RMDN2: variants seen among roughly 807,000 people sequenced by gnomAD.
The protein encoded by RMDN2 is regulator of microtubule dynamics protein 2.
Under a neutral mutation model 52.8 loss-of-function variants are expected in RMDN2, and 61 were observed. The ratio of observed to expected loss-of-function variants is 1.16; its 90% CI spans 0.94 to 1.43. The LOEUF is 1.43. RMDN2 is among the 40% of genes most tolerant of loss of function. The pLI is 0.00. For missense variants in RMDN2, 592 were observed against 475.3 expected (o/e 1.25, Z -2.28); for synonymous variants, 180 against 153.1 (o/e 1.18, Z -1.30).
chr2:37,974,892 G>C (rs1410313153), intron 3 of RMDN2: 1 of 251,798 alleles, frequency 4.0e-6, no homozygotes, highest in East Asian at 1.2e-4. Flanking sequence ...GAAAGGAAAA[G>C]AAGAAAAGGA....
chr2:37,975,283 C>A lies in RMDN2; in HGVS notation c.699C>A (p.Asn233Lys). 3.1e-6 allele frequency: 5 copies of A among 1,605,664 alleles called. No individual in the cohort carries two copies. The highest frequency in any genetic ancestry group is 4.3e-6 in the Non-Finnish European group (5 of 1,172,650). ...AYGDMYELSTNTQEKKHYANI... is the reference protein window; with the variant it reads ...AYGDMYELSTKTQEKKHYANI... Reference sequence around the variant, plus strand: ...GAGACATGTATGAACTATCTACAAACACACAAGAAAAGAAACATTATGCTA... The same window carrying A: ...GAGACATGTATGAACTATCTACAAAAACACAAGAAAAGAAACATTATGCTA... Residue 233 changes from asparagine to lysine, a missense_variant, in exon 4 of 11, where the codon AAC becomes AAA. Asn to Lys is a moderately conservative substitution (Grantham distance 94). Coordinates refer to ENST00000354545, the MANE Select transcript of RMDN2 (RefSeq NM_001170791.3).
At position 38,004,005 on chromosome 2, in the gene RMDN2, C is replaced by A; in HGVS notation, c.1059C>A (p.Cys353Ter). 1.2e-6 allele frequency: 2 copies of A among 1,612,520 alleles called. No individual in the cohort carries two copies. Among genetic ancestry groups the A allele is most frequent in the Non-Finnish European group, 8.5e-7 (1 of 1,178,788 alleles). Reference sequence around the variant, plus strand: ...TCTCAAATCAGGCTGAAGAACTATGCCCTGGTTATTCTAATCCCAATTACA... The same window carrying A: ...TCTCAAATCAGGCTGAAGAACTATGACCTGGTTATTCTAATCCCAATTACA... ...LHNFLKAEEL[C>*]PGYSNPNYMY... Residue 353 changes from cysteine (C) to a stop codon, truncating the protein, a stop_gained, in exon 9 of 11, where the codon TGC (cysteine) becomes TGA (stop). Transcript: ENST00000354545. LOFTEE classifies it high-confidence loss of function.
chr2:37,974,212 A>G lies in RMDN2; in HGVS notation c.625A>G (p.Lys209Glu). 2 of 1,609,174 alleles carry G rather than the reference A, an allele frequency of 1.2e-6. No homozygotes were observed. The highest frequency in any genetic ancestry group is 1.1e-5 in the South Asian group (1 of 90,270). The part of the protein sequence containing the change: ...SFELLRDHKE[K>E]FRDEIEFMWR... The stretch of plus-strand genomic sequence containing the variant: ...TGAACTACTTCGTGACCACAAAGAA[A>G]AGGTAAGAGACATAACAATAGCACT... The change falls in exon 3 of 11, where the codon AAG becomes GAG. Residue 209 changes from lysine to glutamate, a missense_variant and splice_region_variant. By Grantham distance (56) the Lys-to-Glu change is moderately conservative (BLOSUM62 1). Transcript: ENST00000354545.
chr2:37,970,076 G>C (rs957386462), intron 2 of RMDN2, among the ~76,000 whole-genome samples: 9 of 152,096 alleles, frequency 5.9e-5, no homozygotes, highest in African/African-American at 2.2e-4. Context: ...GGGACTACAG[G>C]TGTGGGCCAC....
chr2:38,014,462 C>G (rs1347866118), intron 10 of RMDN2, among the ~76,000 whole-genome samples: 1 of 152,072 alleles, frequency 6.6e-6, no homozygotes, highest in Non-Finnish European at 1.5e-5. Flanking sequence ...TCTTAGAACC[C>G]TTTTATTTAT....
chr2:37,964,707 G>T (rs1670799499), intron 2 of RMDN2, among the ~76,000 whole-genome samples: 1 of 152,084 alleles, frequency 6.6e-6, no homozygotes, highest in Non-Finnish European at 1.5e-5. Flanking sequence ...AGGTTTATAG[G>T]TCTATAGTGA....
At chr2:37,990,176 A>G (rs982378069) in intron 6 of RMDN2, among the ~76,000 whole-genome samples, 1 of 150,568 alleles carries the variant, frequency 6.6e-6, no homozygotes, top group African/African-American at 2.4e-5. Flanking sequence ...TTATTAGTCC[A>G]GATTCTGAAA....
chr2:37,962,636 G>C (rs758004252), intron 2 of RMDN2, among the ~76,000 whole-genome samples: 1 of 152,160 alleles, frequency 6.6e-6, no homozygotes, highest in African/African-American at 2.4e-5. Context: ...CTCCATGGGG[G>C]TGGGATCCCC....
At chr2:38,019,234 C>T (rs1679155424), downstream of RMDN2, among the ~76,000 whole-genome samples, 1 of 152,202 alleles carries the variant, frequency 6.6e-6, no homozygotes, top group Admixed American at 6.5e-5. Context: ...GGGAGCAACT[C>T]ATTCCGGCAG....
chr2:37,973,968 C>A lies in RMDN2; in HGVS notation c.453-72C>A, dbSNP rs546309665. 1.7e-5 allele frequency: 21 copies of A among 1,231,088 alleles called. No individual in the cohort carries two copies. The African/African-American group carries it at 2.9e-4, about 17-fold the overall frequency. The allele number at this position is 1,231,088 out of a possible 1,614,324, so 76.3% of individuals were successfully genotyped here. ...CATAAGAGGGGCATGATTTGACTTG[C>A]ATTTTAAAAGGAATGCTCTGGCTAT... On this transcript the variant is annotated intron_variant, in intron 2 of 10. Coordinates refer to ENST00000354545, the MANE Select transcript of RMDN2 (RefSeq NM_001170791.3).
intron 10 of RMDN2, 82 bp from the exon 11 acceptor site, chr2:38,017,104 G>C: frequency 2.5e-6 from 2 of 784,596 alleles, no homozygotes; most frequent in Non-Finnish European, 3.8e-6. Flanking sequence ...ATCTCCTCAA[G>C]TCAGTGTAAG....
intron 10 of RMDN2, among the ~76,000 whole-genome samples, chr2:38,029,018 C>T (rs1020585346): frequency 5.3e-5 from 8 of 152,040 alleles, no homozygotes; most frequent in East Asian, 3.9e-4. Context: ...GGAGACTGGG[C>T]GGGCACATAT....
chr2:37,996,836 G>C (rs1215284076), intron 7 of RMDN2, among the ~76,000 whole-genome samples: 2 of 152,092 alleles, frequency 1.3e-5, no homozygotes, highest in Non-Finnish European at 2.9e-5. Flanking sequence ...TTTAGTTTTG[G>C]TGGTTACTGA....
chr2:38,015,513 G>A (rs1169397504), intron 10 of RMDN2, among the ~76,000 whole-genome samples: 2 of 151,310 alleles, frequency 1.3e-5, no homozygotes, highest in Non-Finnish European at 2.9e-5. Context: ...TGCAGTAGGC[G>A]GAGATTGCGC....
intron 10 of RMDN2, among the ~76,000 whole-genome samples, chr2:38,062,246 C>T (rs1682083222): frequency 6.6e-6 from 1 of 152,216 alleles, no homozygotes; most frequent in South Asian, 2.1e-4. Flanking sequence ...CCCTTTAACC[C>T]TCGACAACCA....
At chr2:38,046,501 C>G (rs971442703) in intron 10 of RMDN2, among the ~76,000 whole-genome samples, 2 of 151,914 alleles carry the variant, frequency 1.3e-5, no homozygotes, top group Non-Finnish European at 2.9e-5. Context: ...CATTAGATAT[C>G]TATGAGGCTC....
chr2:37,945,868 AAAG>A (rs1668176235), intron 2 of RMDN2, among the ~76,000 whole-genome samples: 1 of 152,156 alleles, frequency 6.6e-6, no homozygotes, highest in African/African-American at 2.4e-5. Context: ...CCCACTTAAG[AAAG>A]TACACGGTGT....
chr2:38,067,116 C>A, exon 11 of RMDN2: 1 of 914,444 alleles, frequency 1.1e-6, no homozygotes, highest in Non-Finnish European at 1.8e-6. Context: ...AAAAGATTGG[C>A]AATAAAACAT....
chr2:37,995,249 C>T lies in RMDN2; in HGVS notation c.946-2167C>T, dbSNP rs181186624. On this transcript the variant is annotated intron_variant, in intron 7 of 10. Transcript: ENST00000354545. ...AAATAGTAACCAAATAAATAATAAT[C>T]AAACTAAAACATATATATGGTTTCA... Among the ~76,000 whole-genome samples, 500 of 151,956 alleles carry T rather than the reference C, an allele frequency of 3.3e-3. 2 individuals are homozygous for T. Among genetic ancestry groups the T allele is most frequent in the Middle Eastern group, 0.017 (5 of 294 alleles).
Sources: gnomAD v4.1 joint callset for allele counts (sites outside exome capture counted in the v4.1 genomes callset) on GRCh38, gnomAD v4.1.1 for gene constraint, MANE v1.5 for transcripts, NCBI Gene and HGNC (gene_info 2026-07-23, HGNC 2026-07-21) for gene names.